The following ANOS1 variants were observed in gnomAD, a reference collection of about 807,000 sequenced individuals.
The protein encoded by ANOS1 is anosmin 1, also known as anosmin-1.
A neutral mutation model predicts 59.0 loss-of-function variants in ANOS1; 6 were observed. The ratio of observed to expected loss-of-function variants is 0.10; its 90% confidence interval spans 0.06 to 0.20. The LOEUF is 0.20. ANOS1 is among the 10% of genes least tolerant of loss of function. The probability of loss-of-function intolerance (pLI) is 1.00; values close to 1 mark genes in which losing one functional copy is unlikely to be tolerated. For synonymous variants in ANOS1, 217 were observed against 223.4 expected (o/e 0.97, Z 0.25); for missense variants, 433 against 542.3 (o/e 0.80, Z 2.00).
intron 2 of ANOS1, among the ~76,000 whole-genome samples, chrX:8,646,290 A>T (rs1283754369): frequency 9.0e-6 from 1 of 110,924 alleles, no homozygotes; most frequent in Non-Finnish European, 1.9e-5. Context: ...CGATTCTCCC[A>T]TCTCAGCTTC....
chrX:8,562,110 T>A (rs1012356424), intron 8 of ANOS1, among the ~76,000 whole-genome samples: 1 of 109,603 alleles, frequency 9.1e-6, no homozygotes, highest in East Asian at 2.9e-4. Flanking sequence ...CCGGCTAATT[T>A]TTGTATTTTT....
At chrX:8,686,434 T>C (rs925587092) in intron 2 of ANOS1, among the ~76,000 whole-genome samples, 5 of 111,755 alleles carry the variant, frequency 4.5e-5, no homozygotes, top group African/African-American at 1.3e-4. Context: ...GAAATTAAAA[T>C]GGGGAGAAAA....
chrX:8,634,291 G>A (rs755005255), intron 2 of ANOS1, among the ~76,000 whole-genome samples: 6 of 109,973 alleles, frequency 5.5e-5, no homozygotes, highest in South Asian at 4.0e-4. Context: ...ATATGTATAC[G>A]TTATACATTT....
intron 6 of ANOS1, among the ~76,000 whole-genome samples, chrX:8,573,916 A>G (rs1425142963): frequency 1.8e-5 from 2 of 111,825 alleles, no homozygotes; most frequent in Non-Finnish European, 3.8e-5. Flanking sequence ...TACCACTTCC[A>G]ATGCCCTGGG....
intron 1 of ANOS1, among the ~76,000 whole-genome samples, chrX:8,702,206 G>A (rs1932760334): frequency 9.0e-6 from 1 of 111,407 alleles, no homozygotes; most frequent in Non-Finnish European, 1.9e-5. Context: ...GGTGAAGTTC[G>A]TTATGATTTT....
intron 2 of ANOS1, among the ~76,000 whole-genome samples, chrX:8,685,604 GA>G (rs769316935): frequency 0.054 from 3,552 of 65,627 alleles, 116 homozygotes; most frequent in East Asian, 0.13. Context: ...AAGGAAGAAA[GA>G]AAGAAAGAAA....
intron 2 of ANOS1, among the ~76,000 whole-genome samples, chrX:8,689,310 T>C (rs2146892034): frequency 9.0e-6 from 1 of 110,951 alleles, no homozygotes; most frequent in South Asian, 3.9e-4. Context: ...ATAGCCACTT[T>C]AATGTCCTTC....
chrX:8,532,814 C>G lies in ANOS1; in HGVS notation c.*181G>C. The stretch of plus-strand genomic sequence containing the variant: ...ACTGGTGTCTGTCTTCACCAATCTA[C>G]TGTTTCTCACTTGTCTCCAGATGCG... On this transcript the variant is annotated 3_prime_UTR_variant, in exon 14 of 14. Coordinates refer to ENST00000262648, the MANE Select transcript of ANOS1 (RefSeq NM_000216.4). The G allele has an allele frequency of 2.3e-6, 1 of 428,768 alleles. No homozygotes were observed. The highest frequency in any genetic ancestry group is 4.1e-6 in the Non-Finnish European group (1 of 241,603). 35.3% of individuals were successfully genotyped at this position (428,768 alleles called of 1,213,427 possible).
At chrX:8,572,770 G>A (rs1015271523) in intron 6 of ANOS1, among the ~76,000 whole-genome samples, 7 of 111,884 alleles carry the variant, frequency 6.3e-5, no homozygotes, top group African/African-American at 2.3e-4. Flanking sequence ...GTGCAGGTGG[G>A]ACCCAGGATT....
chrX:8,694,933 GAT>G (rs1331688710), intron 2 of ANOS1, among the ~76,000 whole-genome samples: 1 of 111,620 alleles, frequency 9.0e-6, no homozygotes, highest in Non-Finnish European at 1.9e-5. Context: ...AGAAATAGGT[GAT>G]CTTATTACTT....
intron 10 of ANOS1, among the ~76,000 whole-genome samples, chrX:8,538,376 G>C (rs575379098): frequency 1.2e-4 from 13 of 112,131 alleles, no homozygotes; most frequent in African/African-American, 4.2e-4. Flanking sequence ...GGATCTAAAG[G>C]TTTAAAACTA....
chrX:8,585,125 C>A, intron 6 of ANOS1, 142 bp downstream of exon 6: 1 of 661,854 alleles, frequency 1.5e-6, no homozygotes. Flanking sequence ...TACCTTCAAA[C>A]ACATCTGGTC....
chrX:8,636,325 A>T (rs761676530), intron 2 of ANOS1, among the ~76,000 whole-genome samples: 1 of 111,823 alleles, frequency 8.9e-6, no homozygotes, highest in African/African-American at 3.3e-5. Context: ...TGCGGCATAC[A>T]TCACAGGAGG....
chrX:8,710,121 G>A (rs200629635), intron 1 of ANOS1, among the ~76,000 whole-genome samples: 1 of 110,552 alleles, frequency 9.0e-6, no homozygotes, highest in African/African-American at 3.3e-5. Flanking sequence ...TAGTAGAGAC[G>A]GGGTTTCACC....
chrX:8,585,718 C>G (rs1930499714), intron 5 of ANOS1, among the ~76,000 whole-genome samples: 1 of 112,348 alleles, frequency 8.9e-6, no homozygotes, highest in Non-Finnish European at 1.9e-5. Flanking sequence ...GTAATTGTTA[C>G]ATTACAGCAA....
intron 2 of ANOS1, among the ~76,000 whole-genome samples, chrX:8,683,145 T>C (rs1196984046): frequency 9.0e-6 from 1 of 110,950 alleles, no homozygotes; most frequent in Non-Finnish European, 1.9e-5. Context: ...GATTACCACA[T>C]TTTAGGGATA....
Position 8,566,445 on chromosome X carries a change from A to G in ANOS1, c.1207+1787T>C, listed in dbSNP as rs757920739. ...TATGTATGCATATGTGTACATATAT[A>G]CCTATGTGCATACTATTTATAGAAA... is the stretch of plus-strand genomic sequence containing the variant. On this transcript the variant is annotated intron_variant, in intron 8 of 13. Transcript: ENST00000262648. Among the ~76,000 whole-genome samples the G allele has an allele frequency of 7.2e-5, 8 of 111,161 alleles. No individual in the cohort carries two copies. The South Asian group carries it at 3.0e-3, about 42-fold the overall frequency.
intron 2 of ANOS1, 25 bp from the exon 3 acceptor site, chrX:8,623,695 A>C: frequency 9.0e-7 from 1 of 1,116,030 alleles, no homozygotes; most frequent in Non-Finnish European, 1.2e-6. Context: ...CAATAAAAAT[A>C]AATAAAACAT....
chrX:8,561,357 T>C (rs978188942), intron 8 of ANOS1, among the ~76,000 whole-genome samples: 1 of 110,530 alleles, frequency 9.0e-6, no homozygotes, highest in African/African-American at 3.3e-5. Flanking sequence ...TCGAGTGCAG[T>C]GGTGCGATCT....
Sources: allele counts gnomAD v4.1 joint callset (sites outside exome capture counted in the v4.1 genomes callset), GRCh38; gene constraint gnomAD v4.1.1; transcripts MANE v1.5; gene names NCBI Gene and HGNC (gene_info 2026-07-23, HGNC 2026-07-21).